Variants in DOCK5 observed in about 807,000 individuals in gnomAD.
DOCK5 encodes dedicator of cytokinesis 5.
DOCK5 carries 142 observed loss-of-function variants against 251.8 expected under a neutral mutation model. The observed-to-expected ratio is 0.56, with a 90% confidence interval of 0.49 to 0.65. The LOEUF (loss-of-function observed/expected upper bound fraction) is 0.65. DOCK5 is among the 30% of genes least tolerant of loss of function. The probability of loss-of-function intolerance (pLI) is 0.00; values close to 1 mark genes in which losing one functional copy is unlikely to be tolerated. For synonymous variants in DOCK5, 842 were observed against 835.5 expected, an observed-to-expected ratio of 1.01 and a Z score of -0.13; for missense variants, 2,111 against 2,312.3, an observed-to-expected ratio of 0.91 and a Z score of 1.79.
chr8:25,360,861 T>C (rs142519992), intron 28 of DOCK5, among the ~76,000 whole-genome samples: 1 of 152,014 alleles, frequency 6.6e-6, no homozygotes, highest in Admixed American at 6.6e-5. Context: ...TTGGCTCCAT[T>C]GTTAAGTAAG....
chr8:25,227,922 T>A (rs1802571503), intron 1 of DOCK5, among the ~76,000 whole-genome samples: 1 of 152,214 alleles, frequency 6.6e-6, no homozygotes, highest in Non-Finnish European at 1.5e-5. Flanking sequence ...TCTCTCTCTG[T>A]CACCCAGGCT....
chr8:25,351,394 A>G (rs1800465478), intron 26 of DOCK5: 1 of 264,148 alleles, frequency 3.8e-6, no homozygotes, highest in Non-Finnish European at 7.4e-6. Context: ...ACCTCAGAAC[A>G]GAATACGTCA....
intron 28 of DOCK5, among the ~76,000 whole-genome samples, chr8:25,359,514 G>A (rs1196045324): frequency 1.3e-5 from 2 of 152,190 alleles, no homozygotes; most frequent in East Asian, 3.9e-4. Context: ...GGCCTGTTAG[G>A]AACCTGGCCG....
chr8:25,277,981 G>T (rs1375756022), intron 4 of DOCK5, among the ~76,000 whole-genome samples: 1 of 152,068 alleles, frequency 6.6e-6, no homozygotes. Context: ...AATAAATGTA[G>T]TACCTACCTT....
At chr8:25,325,935 C>G (rs1424393973) in intron 18 of DOCK5, among the ~76,000 whole-genome samples, 1 of 152,090 alleles carries the variant, frequency 6.6e-6, no homozygotes, top group Non-Finnish European at 1.5e-5. Context: ...AATCAGTTTC[C>G]TGTCCAAACA....
chr8:25,272,501 C>T (rs1165873089), intron 3 of DOCK5, among the ~76,000 whole-genome samples: 1 of 152,172 alleles, frequency 6.6e-6, no homozygotes, highest in Non-Finnish European at 1.5e-5. Context: ...ATTGTGAATG[C>T]ATGAAAATTT....
chr8:25,239,920 G>A (rs1802901051), intron 1 of DOCK5, among the ~76,000 whole-genome samples: 1 of 152,140 alleles, frequency 6.6e-6, no homozygotes, highest in African/African-American at 2.4e-5. Context: ...GAGGCCACTG[G>A]AAAACAGGTG....
At chr8:25,249,009 CT>C (rs1368328534) in intron 2 of DOCK5, among the ~76,000 whole-genome samples, 3 of 151,774 alleles carry the variant, frequency 2.0e-5, no homozygotes, top group Non-Finnish European at 2.9e-5. Context: ...TTTTATTTAT[CT>C]TTTTTTTAGA....
chr8:25,400,839 C>T, intron 46 of DOCK5, 90 bp from the exon 47 acceptor site: 15 of 1,467,844 alleles, frequency 1.0e-5, no homozygotes, highest in Non-Finnish European at 1.4e-5. Context: ...AGCAGTTTAC[C>T]TTTCCACCCC....
At chr8:25,356,791 A>G (rs184394029) in intron 27 of DOCK5, among the ~76,000 whole-genome samples, 1 of 152,002 alleles carries the variant, frequency 6.6e-6, no homozygotes, top group Admixed American at 6.6e-5. Flanking sequence ...AAGCACTAGA[A>G]TAAAATAATA....
chr8:25,377,326 C>A lies in DOCK5; in HGVS notation c.3838C>A (p.Pro1280Thr), dbSNP rs770142417. 1 of 1,612,852 alleles carries A rather than the reference C, an allele frequency of 6.2e-7. No individual in the cohort carries two copies. Among genetic ancestry groups the A allele is most frequent in the East Asian group, 2.2e-5 (1 of 44,854 alleles). ...TCAGTGGTCTGACAAGCCCTGTGTG[C>A]CTCATTTGCTTCAGAAGGACAGTTA... ...LLQWSDKPCVPHLLQKDSYYV... is the reference protein window; with the variant it reads ...LLQWSDKPCVTHLLQKDSYYV... Residue 1280 changes from proline to threonine, a missense_variant, in exon 38 of 52, where the codon CCT becomes ACT. Transcript: ENST00000276440.
chr8:25,319,895 G>A (rs760850929), intron 15 of DOCK5, among the ~76,000 whole-genome samples: 1 of 152,192 alleles, frequency 6.6e-6, no homozygotes, highest in Non-Finnish European at 1.5e-5. Context: ...CAAAGCTTGT[G>A]GTTGACGTGA....
Position 25,285,774 on chromosome 8 carries a change from T to C in DOCK5, c.322-6250T>C, listed in dbSNP as rs535911858. 3.2e-4 allele frequency among the ~76,000 whole-genome samples: 49 copies of C among 152,314 alleles called. 1 individual carries two copies. In the South Asian group the frequency reaches 1.0e-2, roughly 31 times the overall value. On this transcript the variant is annotated intron_variant, in intron 5 of 51. Coordinates refer to ENST00000276440, the MANE Select transcript of DOCK5 (RefSeq NM_024940.8). ...TTTGAAACCAGCATCTTATTCCTTATTACCAAGAACAGAAAATTCCCATAG... is the reference window on the plus strand; with the variant it reads ...TTTGAAACCAGCATCTTATTCCTTACTACCAAGAACAGAAAATTCCCATAG...
At chr8:25,206,635 G>A (rs1040318852) in intron 1 of DOCK5, among the ~76,000 whole-genome samples, 4 of 152,122 alleles carry the variant, frequency 2.6e-5, no homozygotes, top group African/African-American at 7.2e-5. Flanking sequence ...AGGTAGCCTC[G>A]TTTTACACCA....
At chr8:25,235,806 T>TC (rs1384212207) in intron 1 of DOCK5, among the ~76,000 whole-genome samples, 1 of 149,264 alleles carries the variant, frequency 6.7e-6, no homozygotes, top group African/African-American at 2.5e-5. Flanking sequence ...TTCCTTTTTT[T>TC]TTTTTTTTTT....
chr8:25,404,664 C>T (rs148761300), intron 48 of DOCK5, among the ~76,000 whole-genome samples: 137 of 152,118 alleles, frequency 9.0e-4, no homozygotes, highest in Non-Finnish European at 1.5e-3. Context: ...ATTACTGTTA[C>T]TTCAGTGTGA....
At chr8:25,328,518 C>T (rs1805615437) in intron 18 of DOCK5, among the ~76,000 whole-genome samples, 1 of 152,150 alleles carries the variant, frequency 6.6e-6, no homozygotes, top group Non-Finnish European at 1.5e-5. Context: ...AGCTGAAGAA[C>T]ATTAATAAGC....
chr8:25,357,086 G>A (rs2117260364), intron 27 of DOCK5, among the ~76,000 whole-genome samples: 1 of 151,904 alleles, frequency 6.6e-6, no homozygotes, highest in Middle Eastern at 3.4e-3. Flanking sequence ...AAGAATGGGT[G>A]CAAACAGCAA....
At chr8:25,199,090 G>A (rs1801805406) in intron 1 of DOCK5, among the ~76,000 whole-genome samples, 1 of 152,138 alleles carries the variant, frequency 6.6e-6, no homozygotes, top group Non-Finnish European at 1.5e-5. Flanking sequence ...TTAGCACCGT[G>A]GTATTGACAT....
Sources: allele counts gnomAD v4.1 joint callset (sites outside exome capture counted in the v4.1 genomes callset), GRCh38; gene constraint gnomAD v4.1.1; transcripts MANE v1.5; gene names NCBI Gene and HGNC (gene_info 2026-07-23, HGNC 2026-07-21).